ZNF423: variants seen among roughly 807,000 people sequenced by gnomAD.
ZNF423 encodes Ebf-associated zinc finger protein.
ZNF423 carries 12 observed loss-of-function variants against 95.8 expected under a neutral mutation model. The ratio of observed to expected loss-of-function variants is 0.13; its 90% CI spans 0.08 to 0.20. ZNF423 has a LOEUF of 0.20. Among genes scored for constraint, ZNF423 ranks in the 10% least tolerant of loss-of-function variants. The pLI is 1.00. For missense variants in ZNF423, 1,316 were observed against 1,737.1 expected (o/e 0.76, Z 4.31); for synonymous variants, 749 against 711.9 (o/e 1.05, Z -0.83).
In ZNF423 at chr16:49,730,819, C is replaced by G. The variant is rs1413346530; in HGVS notation, c.253G>C (p.Glu85Gln). Residue 85 changes from glutamate (E) to glutamine (Q), a missense_variant, in exon 3 of 8, where the codon GAG becomes CAG. Physicochemically the swap from Glu to Gln is conservative, Grantham distance 29. Transcript: ENST00000563137. The stretch of plus-strand genomic sequence containing the variant: ...TGGTCCGTCAGGTCTGCCAGAGACT[C>G]GAAGTCCTGCTGACAGTGATCGCAG... ...YTCDHCQQDF[E>Q]SLADLTDHRA... 5 of 1,614,096 alleles carry G rather than the reference C, an allele frequency of 3.1e-6. No homozygotes were observed. Among genetic ancestry groups the G allele is most frequent in the Non-Finnish European group, 4.2e-6 (5 of 1,180,052 alleles).
intron 5 of ZNF423, among the ~76,000 whole-genome samples, chr16:49,575,542 G>A (rs1350546435): frequency 2.0e-5 from 3 of 152,126 alleles, no homozygotes; most frequent in Admixed American, 6.5e-5. Flanking sequence ...CCCAGTCCTC[G>A]TTCAGCAGCA....
intron 3 of ZNF423, among the ~76,000 whole-genome samples, chr16:49,710,670 G>C (rs1054998642): frequency 4.6e-5 from 7 of 152,188 alleles, no homozygotes; most frequent in Non-Finnish European, 1.0e-4. Context: ...GAAAACAAGA[G>C]AGGGGACTCC....
intron 2 of ZNF423, among the ~76,000 whole-genome samples, chr16:49,768,587 C>A (rs1013517707): frequency 1.3e-5 from 2 of 152,168 alleles, no homozygotes; most frequent in African/African-American, 4.8e-5. Context: ...CAGTTTTCCT[C>A]CTTCCTCCCT....
chr16:49,584,001 G>A (rs996032426), intron 5 of ZNF423, among the ~76,000 whole-genome samples: 5 of 152,238 alleles, frequency 3.3e-5, no homozygotes, highest in Non-Finnish European at 7.3e-5. Flanking sequence ...GCCAGGCCTA[G>A]AAGATGCTAG....
chr16:49,737,747 C>T (rs1418133114), intron 2 of ZNF423, among the ~76,000 whole-genome samples: 2 of 152,204 alleles, frequency 1.3e-5, no homozygotes, highest in African/African-American at 4.8e-5. Context: ...CAGGGCTTCG[C>T]AAGGTCATGA....
At chr16:49,843,152 T>C (rs1285516984) in intron 1 of ZNF423, among the ~76,000 whole-genome samples, 5 of 152,080 alleles carry the variant, frequency 3.3e-5, no homozygotes, top group Admixed American at 3.3e-4. Context: ...GACCCAACAA[T>C]TTCACTTCTA....
chr16:49,507,697 C>G (rs1031206310), intron 7 of ZNF423, among the ~76,000 whole-genome samples: 9 of 152,210 alleles, frequency 5.9e-5, no homozygotes, highest in Non-Finnish European at 1.0e-4. Context: ...AGGTCCCAAG[C>G]CTGTATTCAA....
At chr16:49,650,952 A>T (rs547471800) in intron 3 of ZNF423, among the ~76,000 whole-genome samples, 2 of 151,986 alleles carry the variant, frequency 1.3e-5, no homozygotes, top group East Asian at 3.9e-4. Context: ...AAATGCCAAC[A>T]TTTACAAATC....
intron 3 of ZNF423, among the ~76,000 whole-genome samples, chr16:49,693,682 T>C (rs918605413): frequency 1.1e-4 from 16 of 152,152 alleles, no homozygotes; most frequent in Non-Finnish European, 2.2e-4. Flanking sequence ...TGAGACCTCA[T>C]TACACTACAG....
intron 3 of ZNF423, among the ~76,000 whole-genome samples, chr16:49,684,887 G>T (rs1171155773): frequency 1.3e-5 from 2 of 152,198 alleles, no homozygotes; most frequent in Admixed American, 6.5e-5. Flanking sequence ...CTGGAGCCAG[G>T]CTCTGCACAC....
intron 3 of ZNF423, among the ~76,000 whole-genome samples, chr16:49,645,679 G>A (rs1263610364): frequency 6.6e-6 from 1 of 152,214 alleles, no homozygotes; most frequent in African/African-American, 2.4e-5. Flanking sequence ...TGGTTTGGCT[G>A]TGTCCTCACC....
At chr16:49,639,260 G>T (rs547332590) in intron 3 of ZNF423, among the ~76,000 whole-genome samples, 1 of 152,332 alleles carries the variant, frequency 6.6e-6, no homozygotes, top group East Asian at 1.9e-4. Flanking sequence ...AGGAAGACAA[G>T]TCCTGTCACT....
chr16:49,591,076 G>A (rs1015623209), intron 5 of ZNF423, among the ~76,000 whole-genome samples: 5 of 152,188 alleles, frequency 3.3e-5, no homozygotes, highest in Admixed American at 6.5e-5. Context: ...ACTGTTGGGG[G>A]GAAATGATTA....
chr16:49,693,645 C>A (rs1433569732), intron 3 of ZNF423, among the ~76,000 whole-genome samples: 1 of 152,186 alleles, frequency 6.6e-6, no homozygotes, highest in Non-Finnish European at 1.5e-5. Flanking sequence ...GAATACATGA[C>A]CAATCCAGGC....
intron 4 of ZNF423, among the ~76,000 whole-genome samples, chr16:49,630,385 C>G (rs75122661): frequency 5.2e-4 from 79 of 152,122 alleles, no homozygotes; most frequent in Admixed American, 5.2e-3. Context: ...AGTGCAAGAG[C>G]CTTTGGTGGT....
At position 49,688,881 on chromosome 16, in the gene ZNF423, G is replaced by A. The variant is rs1596859323; in HGVS notation, c.301+41890C>T. Among the ~76,000 whole-genome samples the A allele has an allele frequency of 2.6e-5, 4 of 152,242 alleles. 1 individual carries two copies. On this transcript the variant is annotated intron_variant, in intron 3 of 7. Coordinates refer to ENST00000563137, the MANE Select transcript of ZNF423 (RefSeq NM_001379286.1). ...TTGGTGTCCCATTTCTTTGAGAATG[G>A]CCACGCTAGTATCCACTCCACGGAA...
intron 2 of ZNF423, among the ~76,000 whole-genome samples, chr16:49,781,438 G>C (rs182407031): frequency 6.6e-6 from 1 of 152,328 alleles, no homozygotes; most frequent in East Asian, 1.9e-4. Context: ...GAAACCCACT[G>C]CGAGTTCAGC....
intron 1 of ZNF423, among the ~76,000 whole-genome samples, chr16:49,830,404 G>A (rs918682716): frequency 2.0e-5 from 3 of 152,164 alleles, no homozygotes; most frequent in African/African-American, 7.2e-5. Context: ...AGTGCTGGGT[G>A]CTCCCCAGCA....
intron 5 of ZNF423, among the ~76,000 whole-genome samples, chr16:49,544,138 T>G (rs1273217972): frequency 6.6e-6 from 1 of 152,140 alleles, no homozygotes; most frequent in African/African-American, 2.4e-5. Context: ...TGCTAAGCAG[T>G]CTGGAGAAGA....
Sources: gnomAD v4.1 joint callset for allele counts (sites outside exome capture counted in the v4.1 genomes callset) on GRCh38, gnomAD v4.1.1 for gene constraint, MANE v1.5 for transcripts, NCBI Gene and HGNC (gene_info 2026-07-23, HGNC 2026-07-21) for gene names.